The following VCL variants were observed in gnomAD, a reference collection of about 807,000 sequenced individuals.
VCL encodes epididymis luminal protein 114.
In VCL, 47 loss-of-function variants were observed where a neutral mutation model predicts 125.7. That is an observed-to-expected ratio of 0.37 (90% confidence interval 0.30 to 0.48). The LOEUF is 0.48. Among genes scored for constraint, VCL ranks in the 20% least tolerant of loss-of-function variants. VCL has a pLI of 0.99. For missense variants in VCL, 1,069 were observed against 1,455.5 expected (o/e 0.73, Z 4.32); for synonymous variants, 458 against 514.6 (o/e 0.89, Z 1.49).
At chr10:74,028,672 C>T (rs1017979979) in intron 1 of VCL, among the ~76,000 whole-genome samples, 4 of 152,092 alleles carry the variant, frequency 2.6e-5, no homozygotes, top group Non-Finnish European at 4.4e-5. Context: ...GCTGGGATTA[C>T]AGGCGTGAGC....
intron 21 of VCL, 97 bp from the exon 22 acceptor site, chr10:74,117,926 G>A (rs1840334982): frequency 6.5e-7 from 1 of 1,545,702 alleles, no homozygotes; most frequent in Non-Finnish European, 8.9e-7. Context: ...CCAGGTACCA[G>A]TGGGGTTAGC....
chr10:74,036,942 G>A (rs1382726690), intron 1 of VCL, among the ~76,000 whole-genome samples: 9 of 146,192 alleles, frequency 6.2e-5, no homozygotes, highest in Admixed American at 1.4e-4. Flanking sequence ...ATGGAGTCTC[G>A]CTCTGTCACC....
At chr10:74,068,765 C>T (rs938659998) in intron 2 of VCL, among the ~76,000 whole-genome samples, 3 of 151,998 alleles carry the variant, frequency 2.0e-5, no homozygotes, top group South Asian at 2.1e-4. Context: ...TTTATGAAGA[C>T]ATTTACATAC....
Position 74,118,775 on chromosome 10 carries a change from C to T in VCL, c.*606C>T, listed in dbSNP as rs368948216. On this transcript the variant is annotated 3_prime_UTR_variant, in exon 22 of 22. Coordinates refer to ENST00000211998, the MANE Select transcript of VCL (RefSeq NM_014000.3). ...TGGGGGCCTGGATTCATTTCCTGCCCTTCCTCAGTTTAATCCTTCTAGTTT... is the reference window on the plus strand; with the variant it reads ...TGGGGGCCTGGATTCATTTCCTGCCTTTCCTCAGTTTAATCCTTCTAGTTT... 1 of 165,286 alleles carries T rather than the reference C, an allele frequency of 6.1e-6. No individual in the cohort carries two copies. The highest frequency in any genetic ancestry group is 1.5e-4 in the South Asian group (1 of 6,618). 10.2% of individuals were successfully genotyped at this position (165,286 alleles called of 1,614,324 possible).
At chr10:74,023,841 A>G (rs1840719830) in intron 1 of VCL, among the ~76,000 whole-genome samples, 1 of 152,242 alleles carries the variant, frequency 6.6e-6, no homozygotes, top group Admixed American at 6.5e-5. Context: ...GCTGGTTTAC[A>G]GCTTATTTTC....
intron 18 of VCL, among the ~76,000 whole-genome samples, chr10:74,111,563 A>T (rs544384697): frequency 6.8e-4 from 103 of 152,342 alleles, no homozygotes; most frequent in African/African-American, 2.4e-3. Flanking sequence ...GCTCCTCAGA[A>T]ATATTCTCAT....
intron 13 of VCL, among the ~76,000 whole-genome samples, chr10:74,099,791 G>A (rs74146326): frequency 6.6e-6 from 1 of 152,258 alleles, no homozygotes; most frequent in African/African-American, 2.4e-5. Flanking sequence ...CTGAGGCCAC[G>A]GGAAGGAGGC....
chr10:74,089,217 G>A lies in VCL; in HGVS notation c.1044G>A (p.Val348=). ...GCAGAGGACAAGGATCCTCACCGGT[G>A]GCCATGCAGAAAGCTCAGCAGGTAT... ...LRARGQGSSP[V]AMQKAQQVSQ... Residue 348 remains valine (V), a synonymous_variant, in exon 9 of 22, where the codon GTG becomes GTA. Coordinates refer to ENST00000211998, the MANE Select transcript of VCL (RefSeq NM_014000.3). 6.2e-7 allele frequency: 1 copy of A among 1,614,082 alleles called. No homozygotes were observed.
chr10:74,047,349 G>C (rs994066368), intron 2 of VCL, among the ~76,000 whole-genome samples: 1 of 152,096 alleles, frequency 6.6e-6, no homozygotes, highest in Non-Finnish European at 1.5e-5. Flanking sequence ...TGCTTTTCTT[G>C]TTTTTCTATA....
intron 21 of VCL, 127 bp from the exon 22 acceptor site, chr10:74,117,896 G>A: frequency 7.3e-7 from 1 of 1,364,064 alleles, no homozygotes; most frequent in South Asian, 1.2e-5. Flanking sequence ...CCCTAGTGAT[G>A]CAAGCAAATA....
intron 12 of VCL, among the ~76,000 whole-genome samples, chr10:74,096,150 C>CTTT (rs66999390): frequency 1.0e-4 from 2 of 20,062 alleles, no homozygotes; most frequent in East Asian, 4.8e-4. Flanking sequence ...TTAAAATGGA[C>CTTT]TTTTTTTTTT....
chr10:74,107,183 T>C, intron 16 of VCL, 47 bp from the exon 17 acceptor site: 1 of 1,613,830 alleles, frequency 6.2e-7, no homozygotes, highest in Non-Finnish European at 8.5e-7. Context: ...GACAGTGCTT[T>C]GGGGCACTGA....
chr10:74,013,903 T>TA (rs34883617), intron 1 of VCL, among the ~76,000 whole-genome samples: 6 of 151,630 alleles, frequency 4.0e-5, no homozygotes, highest in African/African-American at 1.2e-4. Flanking sequence ...AGTGTTGATT[T>TA]AAAAAAAAAA....
At position 74,089,277 on chromosome 10, in the gene VCL, A is replaced by C; in HGVS notation, c.1104A>C (p.Glu368Asp). The change falls in exon 9 of 22, where the codon GAA (glutamate) becomes GAC (aspartate). Residue 368 changes from glutamate (E) to aspartate (D), a missense_variant. Around this residue, in one of 6 missense-constraint regions of VCL, gnomAD observed 760 missense variants for 928.9 expected, o/e 0.82. Coordinates refer to ENST00000211998, the MANE Select transcript of VCL (RefSeq NM_014000.3). ...QGLDVLTAKV[E>D]NAARKLEAMT... ...TGGATGTGCTCACAGCAAAAGTGGA[A>C]AATGCAGCTCGCAAGCTGGAAGCCA... 6.2e-7 allele frequency: 1 copy of C among 1,614,212 alleles called. No homozygotes were observed. The highest frequency in any genetic ancestry group is 1.1e-5 in the South Asian group (1 of 91,082).
chr10:74,114,426 T>C (rs764826529), intron 20 of VCL, 39 bp downstream of exon 20: 2 of 1,583,966 alleles, frequency 1.3e-6, no homozygotes, highest in Non-Finnish European at 1.7e-6. Context: ...TGTGTGTGTG[T>C]GTGTGTGTGT....
Position 74,105,058 on chromosome 10 carries a change from G to C in VCL, c.2139G>C (p.Val713=). ...TTTCTGTTTTCCTAACAGGGCTGGT[G>C]GACGAAGCCATTGATACCAAATCTC... The part of the protein sequence containing the change: ...IDNVEKMTGL[V]DEAIDTKSLL... Residue 713 remains valine, a synonymous_variant, in exon 16 of 22, where the codon GTG becomes GTC. Transcript: ENST00000211998. 6.2e-7 allele frequency: 1 copy of C among 1,614,170 alleles called. No homozygotes were observed. The highest frequency in any genetic ancestry group is 1.7e-5 in the Admixed American group (1 of 60,034).
chr10:74,099,532 G>C (rs1840019022), intron 13 of VCL, among the ~76,000 whole-genome samples: 1 of 152,108 alleles, frequency 6.6e-6, no homozygotes, highest in Non-Finnish European at 1.5e-5. Flanking sequence ...TTCTCACTGG[G>C]CTGTGAGTTC....
rs1222648899 is a variant in VCL, at chr10:74,025,611, C to CA, written c.169-17464dup. 1.5e-4 allele frequency among the ~76,000 whole-genome samples: 14 copies of CA among 91,684 alleles called. No homozygotes were observed. In the South Asian group the frequency reaches 2.7e-3, roughly 18 times the overall value. 60.1% of individuals were successfully genotyped at this position (91,684 alleles called of 152,430 possible). ...CCTGGGTGACAGAGCAAAACCCTGT[C>CA]AAAAAAAAGAAAGGGAAGGGGAGGG... is the stretch of plus-strand genomic sequence containing the variant. On this transcript the variant is annotated intron_variant, in intron 1 of 21. Coordinates refer to ENST00000211998, the MANE Select transcript of VCL (RefSeq NM_014000.3).
intron 2 of VCL, among the ~76,000 whole-genome samples, chr10:74,061,906 A>C (rs931583082): frequency 4.3e-5 from 3 of 70,074 alleles, no homozygotes; most frequent in Admixed American, 1.7e-4. Flanking sequence ...TAACCAATCT[A>C]CTTTTTTTTT....
Sources: allele counts gnomAD v4.1 joint callset (sites outside exome capture counted in the v4.1 genomes callset), GRCh38; gene constraint gnomAD v4.1.1; regional missense constraint gnomAD v4.1.1; transcripts MANE v1.5; gene names NCBI Gene and HGNC (gene_info 2026-07-23, HGNC 2026-07-21).